Variants in SYNDIG1L observed in about 807,000 individuals in gnomAD.
SYNDIG1L encodes the protein synapse differentiation inducing 1 like, also known as synapse differentiation-inducing gene protein 1-like.
SYNDIG1L carries 13 observed loss-of-function variants against 20.1 expected under a neutral mutation model. The observed-to-expected ratio is 0.65, with a 90% CI of 0.42 to 1.03. The LOEUF (loss-of-function observed/expected upper bound fraction) is 1.03, where lower values mean the gene tolerates loss of function less well. Among genes scored for constraint, SYNDIG1L ranks in the 50% least tolerant of loss-of-function variants. SYNDIG1L has a pLI of 0.00. For synonymous variants in SYNDIG1L, 128 were observed against 129.3 expected (o/e 0.99, Z 0.07); for missense variants, 294 against 305.1 (o/e 0.96, Z 0.27).
chr14:74,466,133 GC>G, the SYNDIG1L span, among the ~76,000 whole-genome samples: 8 of 152,306 alleles, frequency 5.3e-5, no homozygotes, highest in South Asian at 1.7e-3. Context: ...TTAAAACGCT[GC>G]CCTCAATTCT....
rs576473683 is a variant in SYNDIG1L at position 74,407,359 on chromosome 14, G to A, written c.*176C>T. The stretch of plus-strand genomic sequence containing the variant: ...GCCCTGCTCTGGGGCTGGGAGCAGC[G>A]GGCAAGCAGAAGTGAAGGCTGAGCT... On this transcript the variant is annotated 3_prime_UTR_variant, in exon 4 of 4. Transcript: ENST00000331628. The A allele has an allele frequency of 9.3e-5, 83 of 888,888 alleles. No homozygotes were observed. In the African/African-American group the frequency reaches 1.3e-3, roughly 14 times the overall value. 55.1% of individuals were successfully genotyped at this position (888,888 alleles called of 1,614,324 possible).
At chr14:74,436,379 C>A in the SYNDIG1L span, among the ~76,000 whole-genome samples, 1 of 152,100 alleles carries the variant, frequency 6.6e-6, no homozygotes, top group Non-Finnish European at 1.5e-5. Context: ...TAGGCATGTG[C>A]CACCATACCT....
chr14:74,468,370 C>A, the SYNDIG1L span, among the ~76,000 whole-genome samples: 1 of 152,118 alleles, frequency 6.6e-6, no homozygotes, highest in Non-Finnish European at 1.5e-5. Flanking sequence ...TACTTTTGGG[C>A]TCTCTTCTTC....
the SYNDIG1L span, among the ~76,000 whole-genome samples, chr14:74,432,905 G>C: frequency 6.6e-6 from 1 of 151,870 alleles, no homozygotes; most frequent in Non-Finnish European, 1.5e-5. Context: ...ACTTTTTTGA[G>C]CTCCTGCCAT....
the SYNDIG1L span, among the ~76,000 whole-genome samples, chr14:74,459,667 G>A: frequency 5.9e-5 from 9 of 152,212 alleles, no homozygotes; most frequent in Non-Finnish European, 1.0e-4. Flanking sequence ...CCTGTGGGGG[G>A]ACATGCAGCC....
chr14:74,447,086 A>AT, the SYNDIG1L span, among the ~76,000 whole-genome samples: 2 of 152,212 alleles, frequency 1.3e-5, no homozygotes, highest in African/African-American at 2.4e-5. Flanking sequence ...ATTAAAAGAT[A>AT]TTTTTTAAAC....
At chr14:74,432,176 T>TGA in the SYNDIG1L span, among the ~76,000 whole-genome samples, 6,406 of 138,880 alleles carry the variant, frequency 0.046, 161 homozygotes, top group South Asian at 0.11. Flanking sequence ...TGTGTGTGTG[T>TGA]GTGTGAGAGA....
At chr14:74,415,144 A>G (rs971607713) in intron 1 of SYNDIG1L, among the ~76,000 whole-genome samples, 1 of 152,182 alleles carries the variant, frequency 6.6e-6, no homozygotes, top group African/African-American at 2.4e-5. Context: ...GGACCTCTTT[A>G]GGGCTACATG....
chr14:74,410,796 C>T (rs72730164), intron 1 of SYNDIG1L, among the ~76,000 whole-genome samples: 1,869 of 152,276 alleles, frequency 0.012, 22 homozygotes, highest in Non-Finnish European at 0.018. Flanking sequence ...TTGTCCCTAG[C>T]AATGGTCTTA....
the SYNDIG1L span, among the ~76,000 whole-genome samples, chr14:74,477,493 C>G: frequency 1.3e-5 from 2 of 151,846 alleles, no homozygotes; most frequent in Non-Finnish European, 2.9e-5. Context: ...TCAAGATCAC[C>G]CTGTTTCTTT....
At chr14:74,476,607 A>G in the SYNDIG1L span, 13 of 1,528,022 alleles carry the variant, frequency 8.5e-6, no homozygotes, top group Non-Finnish European at 1.1e-5. Flanking sequence ...AGAAAGTAGA[A>G]GAGGTCACTG....
chr14:74,422,901 G>T (rs2086234897), intron 1 of SYNDIG1L, among the ~76,000 whole-genome samples: 1 of 151,972 alleles, frequency 6.6e-6, no homozygotes, highest in African/African-American at 2.4e-5. Flanking sequence ...GTTTCGCCAT[G>T]TTGGCCAGGC....
intron 1 of SYNDIG1L, among the ~76,000 whole-genome samples, chr14:74,425,666 G>A (rs1474085604): frequency 6.6e-6 from 1 of 152,182 alleles, no homozygotes; most frequent in African/African-American, 2.4e-5. Context: ...CCTGAGGTCA[G>A]GGTCAAGGCC....
the SYNDIG1L span, among the ~76,000 whole-genome samples, chr14:74,466,144 T>G: frequency 6.6e-6 from 1 of 152,156 alleles, no homozygotes; most frequent in Non-Finnish European, 1.5e-5. Context: ...CCCTCAATTC[T>G]ATCTTTAGCT....
chr14:74,455,856 C>T, the SYNDIG1L span, among the ~76,000 whole-genome samples: 2 of 152,246 alleles, frequency 1.3e-5, no homozygotes, highest in African/African-American at 4.8e-5. Context: ...TCCAACTGTG[C>T]TGTTCTCCCT....
At chr14:74,442,618 T>A in the SYNDIG1L span, among the ~76,000 whole-genome samples, 23 of 152,322 alleles carry the variant, frequency 1.5e-4, no homozygotes, top group African/African-American at 5.3e-4. Flanking sequence ...ATTATCAGAT[T>A]TGCTTTTAGA....
At chr14:74,445,828 G>C in the SYNDIG1L span, among the ~76,000 whole-genome samples, 1 of 152,164 alleles carries the variant, frequency 6.6e-6, no homozygotes, top group South Asian at 2.1e-4. Flanking sequence ...AGATATATAT[G>C]AGTGTGTTTG....
chr14:74,458,898 G>A, the SYNDIG1L span, among the ~76,000 whole-genome samples: 3 of 152,076 alleles, frequency 2.0e-5, no homozygotes, highest in African/African-American at 7.3e-5. Context: ...GCACCCTCTG[G>A]AACTCCCTGC....
At chr14:74,450,876 A>C in the SYNDIG1L span, among the ~76,000 whole-genome samples, 5 of 152,198 alleles carry the variant, frequency 3.3e-5, no homozygotes, top group Non-Finnish European at 7.4e-5. Context: ...AAGTAAACAC[A>C]TGAAAACATA....
Sources: allele counts gnomAD v4.1 joint callset (sites outside exome capture counted in the v4.1 genomes callset), GRCh38; gene constraint gnomAD v4.1.1; transcripts MANE v1.5; gene names NCBI Gene and HGNC (gene_info 2026-07-23, HGNC 2026-07-21).